Variants in TOX observed in about 807,000 individuals in gnomAD.
The protein encoded by TOX is thymocyte selection-associated high mobility group box protein TOX.
In TOX, 11 loss-of-function variants were observed where a neutral mutation model predicts 53.7. The ratio of observed to expected loss-of-function variants is 0.20; its 90% confidence interval spans 0.13 to 0.34. The LOEUF is 0.34. Ranked by LOEUF, TOX falls within the 10% of genes least tolerant of loss-of-function variation. The pLI is 1.00. For synonymous variants in TOX, 225 were observed against 245.3 expected (o/e 0.92, Z 0.77); for missense variants, 570 against 664.6 (o/e 0.86, Z 1.56).
intron 3 of TOX, among the ~76,000 whole-genome samples, chr8:58,892,389 TTTA>T (rs1811573338): frequency 6.6e-6 from 1 of 152,178 alleles, no homozygotes; most frequent in Non-Finnish European, 1.5e-5. Context: ...TCCTGGTGGC[TTTA>T]GTCAGTTGAG....
At chr8:59,019,586 C>T (rs1469835167) in intron 1 of TOX, among the ~76,000 whole-genome samples, 1 of 152,038 alleles carries the variant, frequency 6.6e-6, no homozygotes, top group Non-Finnish European at 1.5e-5. Context: ...TAATTTGTGT[C>T]TCAATTGACA....
intron 1 of TOX, among the ~76,000 whole-genome samples, chr8:58,998,050 G>C (rs547908085): frequency 6.6e-6 from 1 of 152,154 alleles, no homozygotes; most frequent in East Asian, 1.9e-4. Context: ...CCTCGGCCTG[G>C]AAACTGCTTT....
chr8:58,838,260 T>A lies in TOX; in HGVS notation c.745A>T (p.Thr249Ser). 1 of 1,613,924 alleles carries A rather than the reference T, an allele frequency of 6.2e-7. No homozygotes were observed. Among genetic ancestry groups the A allele is most frequent in the Non-Finnish European group, 8.5e-7 (1 of 1,179,982 alleles). Residue 249 changes from threonine (T) to serine (S), a missense_variant, in exon 5 of 9, where the codon ACT (threonine) becomes TCT (serine). Physicochemically the swap from Thr to Ser is moderately conservative, Grantham distance 58. Coordinates refer to ENST00000361421, the MANE Select transcript of TOX (RefSeq NM_014729.3). ...PASDMGKKPK[T>S]PKKKKKKDPN... ...TCCTTCTTCTTCTTCTTTTTGGGAG[T>A]TTTTGGTTTTTTCCCCATATCAGAG...
intron 1 of TOX, among the ~76,000 whole-genome samples, chr8:58,985,201 G>T (rs1444315402): frequency 6.6e-6 from 1 of 151,248 alleles, no homozygotes; most frequent in East Asian, 1.9e-4. Flanking sequence ...CATGTCCATA[G>T]TGGCATTATT....
chr8:58,951,497 C>T (rs1230740027), intron 2 of TOX, among the ~76,000 whole-genome samples: 2 of 151,974 alleles, frequency 1.3e-5, no homozygotes, highest in African/African-American at 2.4e-5. Flanking sequence ...AAAAACTTTG[C>T]ACCCATAGTA....
chr8:58,899,213 C>G (rs937896157), intron 3 of TOX, among the ~76,000 whole-genome samples: 2 of 152,216 alleles, frequency 1.3e-5, no homozygotes, highest in African/African-American at 4.8e-5. Context: ...TACTTTCCCG[C>G]TTTCTACTAA....
chr8:58,809,964 G>A (rs1243956077), intron 7 of TOX, among the ~76,000 whole-genome samples: 2 of 152,144 alleles, frequency 1.3e-5, no homozygotes, highest in African/African-American at 4.8e-5. Context: ...GTATATAAAT[G>A]ATTAAATGTC....
At chr8:59,025,183 T>C (rs1480142771) in intron 1 of TOX, among the ~76,000 whole-genome samples, 1 of 152,150 alleles carries the variant, frequency 6.6e-6, no homozygotes, top group Non-Finnish European at 1.5e-5. Flanking sequence ...GCAAGATTGA[T>C]AATCTGGGCC....
chr8:59,117,586 A>C lies in TOX; in HGVS notation c.102+1300T>G, dbSNP rs1049830758. On this transcript the variant is annotated intron_variant, in intron 1 of 8. Transcript: ENST00000361421. This position sits in a 1 kb window ranked among gnomAD's most constrained non-coding sequence, Gnocchi z 4.6. ...ACACTGTCCAAGACTCGGAGCTGCG[A>C]CTCGGTCGCGTGGTGCGGAGTCCAG... 4.6e-5 allele frequency among the ~76,000 whole-genome samples: 7 copies of C among 152,162 alleles called. No homozygotes were observed. The highest frequency in any genetic ancestry group is 1.0e-4 in the Non-Finnish European group (7 of 68,026).
intron 1 of TOX, among the ~76,000 whole-genome samples, chr8:58,962,639 A>C (rs1344159932): frequency 6.6e-6 from 1 of 152,184 alleles, no homozygotes; most frequent in Non-Finnish European, 1.5e-5. Flanking sequence ...CAGAGTGATG[A>C]CATTATCTCA....
rs561746684 is a variant in TOX, at chr8:59,055,908, T to G, written c.102+62978A>C. On this transcript the variant is annotated intron_variant, in intron 1 of 8. Coordinates refer to ENST00000361421, the MANE Select transcript of TOX (RefSeq NM_014729.3). ...CTTAAACAAGACTACAGGGAGAACA[T>G]CTCAGGATATAGAACATTGACAATA... Among the ~76,000 whole-genome samples the G allele has an allele frequency of 5.3e-5, 8 of 152,192 alleles. No individual in the cohort carries two copies. In the South Asian group the frequency reaches 1.7e-3, roughly 32 times the overall value.
intron 3 of TOX, among the ~76,000 whole-genome samples, chr8:58,928,176 A>G (rs1329638592): frequency 1.3e-5 from 2 of 152,248 alleles, no homozygotes; most frequent in Non-Finnish European, 2.9e-5. Flanking sequence ...GTCACCCTAG[A>G]AATGTCTGAT....
At chr8:58,925,302 T>G (rs535621699) in intron 3 of TOX, among the ~76,000 whole-genome samples, 13 of 152,302 alleles carry the variant, frequency 8.5e-5, no homozygotes, top group African/African-American at 2.4e-4. Flanking sequence ...AAAACTCACA[T>G]GAGAATAAAG....
chr8:58,820,947 C>A (rs115849065), intron 6 of TOX, among the ~76,000 whole-genome samples: 1 of 152,042 alleles, frequency 6.6e-6, no homozygotes, highest in Non-Finnish European at 1.5e-5. Flanking sequence ...TAGGAATTCC[C>A]GAGTCTATGG....
intron 3 of TOX, among the ~76,000 whole-genome samples, chr8:58,901,988 T>G (rs1044172473): frequency 6.6e-6 from 1 of 152,194 alleles, no homozygotes; most frequent in African/African-American, 2.4e-5. Context: ...TGTTGTATAT[T>G]AACATAGTAT....
intron 1 of TOX, among the ~76,000 whole-genome samples, chr8:59,088,160 A>C (rs1804547030): frequency 6.6e-6 from 1 of 152,220 alleles, no homozygotes; most frequent in African/African-American, 2.4e-5. Flanking sequence ...AAGAAGGAAT[A>C]AGACGTTAAG....
At chr8:59,042,775 C>A (rs962852350) in intron 1 of TOX, among the ~76,000 whole-genome samples, 12 of 152,052 alleles carry the variant, frequency 7.9e-5, no homozygotes, top group Non-Finnish European at 1.6e-4. Flanking sequence ...ATTAACTAGT[C>A]CTTTTTAAGG....
At chr8:58,971,976 C>A (rs895411129) in intron 1 of TOX, among the ~76,000 whole-genome samples, 18 of 152,172 alleles carry the variant, frequency 1.2e-4, no homozygotes, top group African/African-American at 3.9e-4. Context: ...CAGGCGTGAG[C>A]CACCATGCGC....
At chr8:58,846,700 C>T (rs973172697) in intron 4 of TOX, among the ~76,000 whole-genome samples, 7 of 152,074 alleles carry the variant, frequency 4.6e-5, no homozygotes, top group Admixed American at 2.6e-4. Flanking sequence ...TCAGAGACGA[C>T]GCGTGTATTA....
Sources: allele counts gnomAD v4.1 joint callset (sites outside exome capture counted in the v4.1 genomes callset), GRCh38; gene constraint gnomAD v4.1.1; non-coding constraint Gnocchi (gnomAD v3.1); transcripts MANE v1.5; gene names NCBI Gene and HGNC (gene_info 2026-07-23, HGNC 2026-07-21).